The following NLGN1 variants were observed in gnomAD, a reference collection of about 807,000 sequenced individuals.
NLGN1 encodes the protein neuroligin 1.
Under a neutral mutation model 65.5 loss-of-function variants are expected in NLGN1, and 12 were observed. That is an observed-to-expected ratio of 0.18 (90% confidence interval 0.12 to 0.30). The LOEUF (loss-of-function observed/expected upper bound fraction) is 0.30. Among genes scored for constraint, NLGN1 ranks in the 10% least tolerant of loss-of-function variants. NLGN1 has a pLI of 1.00. For synonymous variants in NLGN1, 350 were observed against 359.5 expected (o/e 0.97, Z 0.30); for missense variants, 750 against 1,007.1 (o/e 0.74, Z 3.46).
chr3:174,199,566 A>G (rs181168544), intron 4 of NLGN1, among the ~76,000 whole-genome samples: 3 of 151,998 alleles, frequency 2.0e-5, no homozygotes, highest in Admixed American at 2.0e-4. Flanking sequence ...GATCCTCTCA[A>G]TGGGCAGCTA....
intron 4 of NLGN1, among the ~76,000 whole-genome samples, chr3:174,251,409 A>G (rs756574840): frequency 6.6e-6 from 1 of 152,156 alleles, no homozygotes; most frequent in African/African-American, 2.4e-5. Context: ...ACTTTGTGCA[A>G]ATTAGAAAAA....
intron 4 of NLGN1, among the ~76,000 whole-genome samples, chr3:174,272,203 A>C (rs552597669): frequency 6.6e-6 from 1 of 151,726 alleles, no homozygotes; most frequent in Non-Finnish European, 1.5e-5. Flanking sequence ...TGCAAAATTG[A>C]GTTCCCCCAA....
intron 4 of NLGN1, among the ~76,000 whole-genome samples, chr3:174,089,144 T>G (rs904538172): frequency 1.3e-5 from 2 of 152,136 alleles, no homozygotes; most frequent in Admixed American, 1.3e-4. Context: ...TCAGTGTATA[T>G]TGTACTTTCT....
intron 4 of NLGN1, among the ~76,000 whole-genome samples, chr3:173,834,664 C>T (rs1723236958): frequency 6.6e-6 from 1 of 152,120 alleles, no homozygotes; most frequent in Non-Finnish European, 1.5e-5. Flanking sequence ...TCATTTAACT[C>T]TTACACCATG....
intron 3 of NLGN1, among the ~76,000 whole-genome samples, chr3:173,632,546 A>G (rs1417096782): frequency 6.6e-6 from 1 of 152,180 alleles, no homozygotes; most frequent in Non-Finnish European, 1.5e-5. Context: ...GCAGCAGAAA[A>G]AAATGGCCTT....
intron 2 of NLGN1, among the ~76,000 whole-genome samples, chr3:173,452,154 G>A (rs1174931075): frequency 2.0e-5 from 3 of 151,948 alleles, no homozygotes; most frequent in Non-Finnish European, 2.9e-5. Context: ...CGTCACTCGC[G>A]CTGGGAGCTG....
At chr3:174,124,574 C>CACATATATACGTATATATACGTAT (rs763176688) in intron 4 of NLGN1, among the ~76,000 whole-genome samples, 18 of 144,988 alleles carry the variant, frequency 1.2e-4, no homozygotes, top group South Asian at 8.6e-4. Context: ...TATACGTATA[C>CACATATATACGTATATATACGTAT]ACATATATAC....
In NLGN1 at chr3:174,046,407, A is replaced by G. The variant is rs552289716; in HGVS notation, c.647-228908A>G. Among the ~76,000 whole-genome samples the G allele has an allele frequency of 7.2e-5, 11 of 151,856 alleles. No individual in the cohort carries two copies. In the South Asian group the frequency reaches 2.3e-3, roughly 32 times the overall value. Reference sequence around the variant, plus strand: ...TTTTACTGTATTATTTTGTTTGTTCACTTTTGCCTCTTGTAGCTCTACATT... The same window carrying G: ...TTTTACTGTATTATTTTGTTTGTTCGCTTTTGCCTCTTGTAGCTCTACATT... On this transcript the variant is annotated intron_variant, in intron 4 of 6. Coordinates refer to ENST00000457714, the Ensembl canonical transcript of NLGN1.
At chr3:174,141,949 A>G (rs1229522807) in intron 4 of NLGN1, among the ~76,000 whole-genome samples, 6 of 152,198 alleles carry the variant, frequency 3.9e-5, no homozygotes, top group African/African-American at 1.2e-4. Context: ...TCACATATAT[A>G]AAACCAAAAC....
chr3:173,558,304 C>T (rs1742039404), intron 2 of NLGN1, among the ~76,000 whole-genome samples: 1 of 151,968 alleles, frequency 6.6e-6, no homozygotes, highest in Non-Finnish European at 1.5e-5. Context: ...TGATTTTCTT[C>T]CTGTTCATCC....
At chr3:173,515,678 A>G (rs1733706263) in intron 2 of NLGN1, among the ~76,000 whole-genome samples, 1 of 152,056 alleles carries the variant, frequency 6.6e-6, no homozygotes, top group South Asian at 2.1e-4. Flanking sequence ...GAAGGGTCCA[A>G]TTTCATTCTT....
chr3:173,853,466 A>T (rs2150752103), intron 4 of NLGN1, among the ~76,000 whole-genome samples: 1 of 152,290 alleles, frequency 6.6e-6, no homozygotes, highest in South Asian at 2.1e-4. Flanking sequence ...TGAAGAACTT[A>T]TGAATTTAAA....
chr3:174,221,080 GC>G (rs1342492288), intron 4 of NLGN1, among the ~76,000 whole-genome samples: 1 of 152,184 alleles, frequency 6.6e-6, no homozygotes, highest in African/African-American at 2.4e-5. Flanking sequence ...CTGCAGCACA[GC>G]AGATTAATAT....
chr3:174,265,550 C>G (rs936203532), intron 4 of NLGN1, among the ~76,000 whole-genome samples: 5 of 151,758 alleles, frequency 3.3e-5, no homozygotes, highest in Non-Finnish European at 7.4e-5. Context: ...GCACACGGTG[C>G]GCGCACCCAC....
At chr3:174,235,391 G>A (rs1374857358) in intron 4 of NLGN1, among the ~76,000 whole-genome samples, 2 of 152,018 alleles carry the variant, frequency 1.3e-5, no homozygotes, top group Admixed American at 6.6e-5. Context: ...TGAGGAAAAA[G>A]GAACAACAGA....
chr3:173,445,933 A>G (rs1720184383), intron 2 of NLGN1, among the ~76,000 whole-genome samples: 1 of 152,150 alleles, frequency 6.6e-6, no homozygotes, highest in Admixed American at 6.5e-5. Flanking sequence ...CACCTCTAAC[A>G]GACATTTGAT....
At chr3:174,266,062 C>A (rs1316304088) in intron 4 of NLGN1, among the ~76,000 whole-genome samples, 2 of 140,156 alleles carry the variant, frequency 1.4e-5, no homozygotes, top group Non-Finnish European at 3.1e-5. Flanking sequence ...TTTTTCTTTC[C>A]AACTTTTATT....
intron 1 of NLGN1, among the ~76,000 whole-genome samples, chr3:173,403,931 GTTCCGTAAACTGCTGA>G (rs1347516293): frequency 2.0e-5 from 3 of 151,966 alleles, no homozygotes; most frequent in Non-Finnish European, 2.9e-5. Context: ...ACGATACTGT[GTTCCGTAAACTGCTGA>G]ATTTGTGGCA....
chr3:173,890,979 G>T (rs534049896), intron 4 of NLGN1, among the ~76,000 whole-genome samples: 21 of 152,252 alleles, frequency 1.4e-4, no homozygotes, highest in African/African-American at 5.1e-4. Flanking sequence ...ATCTTGAAGG[G>T]AATAATGTAT....
Sources: gnomAD v4.1 joint callset for allele counts (sites outside exome capture counted in the v4.1 genomes callset) on GRCh38, gnomAD v4.1.1 for gene constraint, MANE v1.5 for transcripts, NCBI Gene and HGNC (gene_info 2026-07-23, HGNC 2026-07-21) for gene names.